AASDH: variants seen among roughly 807,000 people sequenced by gnomAD.
AASDH encodes beta-alanine-activating enzyme.
Under a neutral mutation model 102.3 loss-of-function variants are expected in AASDH, and 81 were observed. The ratio of observed to expected loss-of-function variants is 0.79; its 90% CI spans 0.66 to 0.95. AASDH has a LOEUF of 0.95. Ranked by LOEUF, AASDH falls within the 40% of genes least tolerant of loss-of-function variation. The probability of loss-of-function intolerance (pLI) is 0.00; values close to 1 mark genes in which losing one functional copy is unlikely to be tolerated. For synonymous variants in AASDH, 398 were observed against 454.0 expected (o/e 0.88, Z 1.57); for missense variants, 1,203 against 1,266.2 (o/e 0.95, Z 0.76).
chr4:56,356,453 G>A, intron 5 of AASDH: 4 of 1,579,132 alleles, frequency 2.5e-6, no homozygotes, highest in Non-Finnish European at 3.5e-6. Context: ...CAGAGACAAA[G>A]CAAGAGAAGA....
At chr4:56,340,322 T>C (rs1329357317) in intron 14 of AASDH, among the ~76,000 whole-genome samples, 1 of 152,138 alleles carries the variant, frequency 6.6e-6, no homozygotes, top group Non-Finnish European at 1.5e-5. Flanking sequence ...TGTATTGGTA[T>C]AAAAATAGAT....
intron 2 of AASDH, 84 bp from the exon 3 acceptor site, chr4:56,382,681 TTTA>T (rs763667136): frequency 4.1e-6 from 6 of 1,476,372 alleles, no homozygotes; most frequent in Non-Finnish European, 5.5e-6. Flanking sequence ...ATGCACTTTA[TTTA>T]TTTTTTGTAG....
rs1358470463 is a variant in AASDH, at chr4:56,378,228, T to C, written c.588A>G (p.Leu196=). 1 of 1,614,226 alleles carries C rather than the reference T, an allele frequency of 6.2e-7. No individual in the cohort carries two copies. The highest frequency in any genetic ancestry group is 8.5e-7 in the Non-Finnish European group (1 of 1,180,026). The change falls in exon 4 of 15, where the codon CTA becomes CTG. Residue 196 remains leucine (L), a synonymous_variant. Transcript: ENST00000205214. ...GTATCCCTGTAGTCCCTGATGTATG[T>C]AGAACATAGGCTAAGCAATGCTTTA... ...LRLKHCLAYV[L]HTSGTTGIPK...
chr4:56,343,341 A>C (rs1747919473), intron 13 of AASDH, among the ~76,000 whole-genome samples: 1 of 80,170 alleles, frequency 1.2e-5, no homozygotes, highest in Non-Finnish European at 2.4e-5. Context: ...TCTGTCAAAA[A>C]ACAAACAAAC....
intron 3 of AASDH, among the ~76,000 whole-genome samples, chr4:56,379,520 G>T (rs1752735037): frequency 6.6e-6 from 1 of 152,058 alleles, no homozygotes; most frequent in South Asian, 2.1e-4. Context: ...GACGTTTTTG[G>T]GGAGTGGGGG....
At chr4:56,343,009 A>C (rs373980966) in intron 13 of AASDH, 43 bp from the exon 14 acceptor site, 1 of 1,500,206 alleles carries the variant, frequency 6.7e-7, no homozygotes. Flanking sequence ...ATGTCATCCT[A>C]CTAATCAGTT....
At position 56,355,310 on chromosome 4, in the gene AASDH, C is replaced by A; in HGVS notation, c.975G>T (p.Leu325Phe). The A allele has an allele frequency of 6.2e-7, 1 of 1,614,100 alleles. No individual in the cohort carries two copies. Residue 325 changes from leucine (L) to phenylalanine (F), a missense_variant, in exon 6 of 15, where the codon TTG becomes TTT. Coordinates refer to ENST00000205214, the MANE Select transcript of AASDH (RefSeq NM_181806.4). Reference sequence around the variant, plus strand: ...CTCCTCTCCAGCTTCTGAGAACTGTCAATGATGGAAACGCTTCACCACCAA... The same window carrying A: ...CTCCTCTCCAGCTTCTGAGAACTGTAAATGATGGAAACGCTTCACCACCAA... ...LALGGEAFPS[L>F]TVLRSWRGEG...
intron 5 of AASDH, among the ~76,000 whole-genome samples, chr4:56,368,196 G>A (rs1398546211): frequency 3.9e-5 from 6 of 152,130 alleles, no homozygotes; most frequent in African/African-American, 7.2e-5. Flanking sequence ...TTAGAATGGC[G>A]ATCATTAAAA....
rs780509818 is a variant in AASDH at position 56,355,190 on chromosome 4, AGAGTT to A, written c.1090_1094del (p.Asn364TyrfsTer5). ...ACAATGAAAACCCTTACTTGAGAGTAGAGTTAAGAGTCTTCTCTGGAATCCTATAA... is the reference window on the plus strand; with the variant it reads ...ACAATGAAAACCCTTACTTGAGAGTAAAGAGTCTTCTCTGGAATCCTATAA... On this transcript the variant is annotated frameshift_variant, in exon 6 of 15. Transcript: ENST00000205214. LOFTEE classifies it high-confidence loss of function. The A allele has an allele frequency of 2.2e-5, 36 of 1,613,424 alleles. No individual in the cohort carries two copies. Among genetic ancestry groups the A allele is most frequent in the Admixed American group, 3.3e-5 (2 of 59,928 alleles).
chr4:56,385,779 A>ATTTTT (rs141126360), intron 1 of AASDH, among the ~76,000 whole-genome samples: 1 of 150,926 alleles, frequency 6.6e-6, no homozygotes, highest in Non-Finnish European at 1.5e-5. Context: ...TGTTTTTGTT[A>ATTTTT]TTTTTTTTTA....
At chr4:56,356,517 C>T in intron 5 of AASDH, 3 of 1,053,176 alleles carry the variant, frequency 2.8e-6, no homozygotes, top group East Asian at 2.4e-5. Context: ...AGGGGATGTC[C>T]CCAGTAAGAG....
At chr4:56,379,874 G>A (rs1752771869) in intron 3 of AASDH, among the ~76,000 whole-genome samples, 1 of 152,184 alleles carries the variant, frequency 6.6e-6, no homozygotes, top group Admixed American at 6.5e-5. Context: ...GGGTGGGGGA[G>A]AGGGAAAAGG....
chr4:56,357,464 T>C (rs1749763991), intron 5 of AASDH, among the ~76,000 whole-genome samples: 1 of 152,092 alleles, frequency 6.6e-6, no homozygotes, highest in South Asian at 2.1e-4. Flanking sequence ...AACATATGAA[T>C]TCTGGAGAGA....
At chr4:56,349,228 A>G (rs775452964) in intron 11 of AASDH, 35 bp downstream of exon 11, 44 of 1,598,616 alleles carry the variant, frequency 2.8e-5, no homozygotes, top group Non-Finnish European at 3.8e-5. Context: ...TGGTAATTCA[A>G]TTTAACTCCA....
intron 14 of AASDH, 46 bp downstream of exon 14, chr4:56,342,789 A>ATATATATATATAAAATT: frequency 1.4e-6 from 1 of 724,278 alleles, no homozygotes; most frequent in Non-Finnish European, 1.8e-6. Context: ...ATATACATTT[A>ATATATATATATAAAATT]TATATATATA....
Position 56,338,682 on chromosome 4 carries a change from A to ATGT in AASDH, c.3014_3016dup (p.Asn1005dup). The ATGT allele has an allele frequency of 6.2e-7, 1 of 1,614,196 alleles. No individual in the cohort carries two copies. Among genetic ancestry groups the ATGT allele is most frequent in the Non-Finnish European group, 8.5e-7 (1 of 1,180,036 alleles). On this transcript the variant is annotated inframe_insertion, in exon 15 of 15. Transcript: ENST00000205214. Reference sequence around the variant, plus strand: ...AAATTTCCACTGCAGGTGACCTTTCATGTTACAACAGTAGATAAAGCAATC... The same window carrying ATGT: ...AAATTTCCACTGCAGGTGACCTTTCATGTTGTTACAACAGTAGATAAAGCAATC...
chr4:56,371,426 A>G, intron 5 of AASDH, 25 bp downstream of exon 5: 1 of 1,566,478 alleles, frequency 6.4e-7, no homozygotes, highest in Non-Finnish European at 8.6e-7. Flanking sequence ...TGATAAACAA[A>G]ACGTTCATTG....
intron 14 of AASDH, among the ~76,000 whole-genome samples, chr4:56,339,712 C>A (rs561527504): frequency 1.4e-5 from 2 of 144,588 alleles, no homozygotes; most frequent in African/African-American, 5.1e-5. Context: ...GATCACACTA[C>A]TGCACTCCAC....
intron 3 of AASDH, among the ~76,000 whole-genome samples, chr4:56,378,895 T>A (rs1293316430): frequency 1.3e-5 from 2 of 151,848 alleles, no homozygotes; most frequent in African/African-American, 4.8e-5. Flanking sequence ...ATTTATTTTT[T>A]TTTTTTGAGA....
Sources: allele counts gnomAD v4.1 joint callset (sites outside exome capture counted in the v4.1 genomes callset), GRCh38; gene constraint gnomAD v4.1.1; transcripts MANE v1.5; gene names NCBI Gene and HGNC (gene_info 2026-07-23, HGNC 2026-07-21).